Variants in ADGRG6 observed in about 807,000 individuals in gnomAD.
ADGRG6 encodes the protein G-protein coupled receptor 126.
In ADGRG6, 84 loss-of-function variants were observed where a neutral mutation model predicts 142.4. The ratio of observed to expected loss-of-function variants is 0.59; its 90% confidence interval spans 0.49 to 0.71. The LOEUF is 0.71. Among genes scored for constraint, ADGRG6 ranks in the 30% least tolerant of loss-of-function variants. The pLI is 0.00. For synonymous variants in ADGRG6, 521 were observed against 520.5 expected (o/e 1.00, Z -0.01); for missense variants, 1,367 against 1,466.6 (o/e 0.93, Z 1.11).
chr6:142,434,776 C>T (rs1411477925), intron 22 of ADGRG6, among the ~76,000 whole-genome samples: 1 of 152,090 alleles, frequency 6.6e-6, no homozygotes, highest in Non-Finnish European at 1.5e-5. Flanking sequence ...AGTATCAGGG[C>T]TTGTGCTCAG....
intron 21 of ADGRG6, 58 bp downstream of exon 21, chr6:142,417,427 A>G: frequency 3.9e-6 from 3 of 765,396 alleles, no homozygotes; most frequent in Middle Eastern, 3.0e-4. Flanking sequence ...GAAGTTTAGC[A>G]TTAATTTCCA....
At chr6:142,382,173 T>C (rs938982669) in intron 5 of ADGRG6, among the ~76,000 whole-genome samples, 154 bp downstream of exon 5, 1 of 152,156 alleles carries the variant, frequency 6.6e-6, no homozygotes, top group East Asian at 1.9e-4. Flanking sequence ...TTTAGTTGTG[T>C]GGGTGCACAG....
At chr6:142,436,617 TTTTG>T (rs1442264022) in intron 22 of ADGRG6, among the ~76,000 whole-genome samples, 1 of 152,040 alleles carries the variant, frequency 6.6e-6, no homozygotes, top group Non-Finnish European at 1.5e-5. Flanking sequence ...GGGAGGAATT[TTTTG>T]TTTGTTCTTA....
chr6:142,375,619 T>C (rs1474033244), intron 4 of ADGRG6, among the ~76,000 whole-genome samples: 2 of 152,228 alleles, frequency 1.3e-5, no homozygotes, highest in South Asian at 4.1e-4. Context: ...AGCATCTTGC[T>C]GTTTATGGTT....
In ADGRG6 at chr6:142,444,655, G is replaced by A. The variant is rs1319855570; in HGVS notation, c.*1140G>A. The A allele has an allele frequency of 6.6e-6, 1 of 152,114 alleles. No homozygotes were observed. Among genetic ancestry groups the A allele is most frequent in the African/African-American group, 2.4e-5 (1 of 41,442 alleles). 9.4% of individuals were successfully genotyped at this position (152,114 alleles called of 1,614,324 possible). Reference sequence around the variant, plus strand: ...AGTATATAAGAGCCTGAGGAGGTCTGGCAAGATAGATGGTGTATTATTTAT... The same window carrying A: ...AGTATATAAGAGCCTGAGGAGGTCTAGCAAGATAGATGGTGTATTATTTAT... On this transcript the variant is annotated 3_prime_UTR_variant, in exon 25 of 25. Transcript: ENST00000367609.
At chr6:142,310,564 G>A (rs1056252151) in intron 2 of ADGRG6, among the ~76,000 whole-genome samples, 3 of 151,464 alleles carry the variant, frequency 2.0e-5, no homozygotes, top group Non-Finnish European at 3.0e-5. Context: ...TTTAAACATC[G>A]TGGAAATAGA....
chr6:142,338,669 AG>A (rs1779466201), intron 2 of ADGRG6, among the ~76,000 whole-genome samples: 1 of 152,076 alleles, frequency 6.6e-6, no homozygotes, highest in Admixed American at 6.6e-5. Context: ...AATTGTACTG[AG>A]GTAATTGCTA....
At chr6:142,347,421 C>T (rs137890484) in intron 2 of ADGRG6, among the ~76,000 whole-genome samples, 5 of 152,148 alleles carry the variant, frequency 3.3e-5, no homozygotes, top group East Asian at 3.9e-4. Context: ...TCAGAGGAAC[C>T]GGAAGAGTAG....
chr6:142,370,805 G>A lies in ADGRG6; in HGVS notation c.1069+12G>A. On this transcript the variant is annotated intron_variant, in intron 4 of 24. Transcript: ENST00000367609. ...CAACCTAAGCTGTGGTGAGTTTGTAGCGTATTCCTTTTTTTTTTTTTTTTT... is the reference window on the plus strand; with the variant it reads ...CAACCTAAGCTGTGGTGAGTTTGTAACGTATTCCTTTTTTTTTTTTTTTTT... The A allele has an allele frequency of 6.2e-7, 1 of 1,602,586 alleles. No homozygotes were observed. The highest frequency in any genetic ancestry group is 8.5e-7 in the Non-Finnish European group (1 of 1,173,264).
chr6:142,310,255 G>A (rs952933638), intron 2 of ADGRG6, among the ~76,000 whole-genome samples: 2 of 151,700 alleles, frequency 1.3e-5, no homozygotes, highest in East Asian at 3.9e-4. Flanking sequence ...TCTGTAAACA[G>A]CAAATTATAT....
intron 4 of ADGRG6, among the ~76,000 whole-genome samples, chr6:142,380,226 G>T (rs749198765): frequency 4.6e-5 from 7 of 152,068 alleles, no homozygotes; most frequent in Admixed American, 6.5e-5. Context: ...CAGACTTAGG[G>T]TCTATGTTGA....
chr6:142,400,805 A>G (rs1775479749), intron 11 of ADGRG6: 1 of 474,966 alleles, frequency 2.1e-6, no homozygotes, highest in East Asian at 3.4e-5. Context: ...GCCACATGCT[A>G]ATCAAGCCCT....
Position 142,397,719 on chromosome 6 carries a change from G to A in ADGRG6, c.1531G>A (p.Gly511Ser). The A allele has an allele frequency of 6.2e-6, 10 of 1,605,414 alleles. No homozygotes were observed. Among genetic ancestry groups the A allele is most frequent in the Non-Finnish European group, 8.5e-6 (10 of 1,176,302 alleles). Residue 511 changes from glycine (G) to serine (S), a missense_variant, in exon 10 of 25, where the codon GGC becomes AGC. Gly to Ser is a moderately conservative substitution (Grantham distance 56). Coordinates refer to ENST00000367609, the MANE Select transcript of ADGRG6 (RefSeq NM_198569.3). ...LLKNNESLDE[G>S]LRLHTVNVRQ... is the part of the protein sequence containing the mutation. ...AAAAAATAATGAGTCCTTGGATGAA[G>A]GCTTGAGGCTACATACAGTGAATGT...
At chr6:142,394,295 G>A (rs1189990552) in intron 9 of ADGRG6, among the ~76,000 whole-genome samples, 3 of 152,028 alleles carry the variant, frequency 2.0e-5, no homozygotes, top group African/African-American at 4.8e-5. Flanking sequence ...TAAATAAAGT[G>A]TTTATATATG....
intron 20 of ADGRG6, 37 bp from the exon 21 acceptor site, chr6:142,417,236 C>A: frequency 9.3e-7 from 1 of 1,077,164 alleles, no homozygotes; most frequent in South Asian, 1.3e-5. Flanking sequence ...GTTTCAGATG[C>A]TTCAAAAGAG....
chr6:142,436,207 T>C (rs1777478256), intron 22 of ADGRG6, among the ~76,000 whole-genome samples: 1 of 152,126 alleles, frequency 6.6e-6, no homozygotes, highest in African/African-American at 2.4e-5. Flanking sequence ...AGTGGCAATG[T>C]AACCATAGAA....
chr6:142,309,868 T>C (rs1418132193), intron 2 of ADGRG6, among the ~76,000 whole-genome samples: 1 of 151,864 alleles, frequency 6.6e-6, no homozygotes, highest in African/African-American at 2.4e-5. Flanking sequence ...CTAATGAGTT[T>C]ATTTCTTTAA....
intron 22 of ADGRG6, among the ~76,000 whole-genome samples, chr6:142,430,444 C>A (rs936917263): frequency 1.3e-5 from 2 of 152,154 alleles, no homozygotes; most frequent in Non-Finnish European, 2.9e-5. Context: ...TCCAAGGAAA[C>A]TCTTTCTAGA....
At chr6:142,318,662 C>A (rs1321256647) in intron 2 of ADGRG6, among the ~76,000 whole-genome samples, 1 of 151,316 alleles carries the variant, frequency 6.6e-6, no homozygotes, top group Admixed American at 6.7e-5. Flanking sequence ...CTTCTGATGA[C>A]AACAGAAAGG....
Sources: gnomAD v4.1 joint callset for allele counts (sites outside exome capture counted in the v4.1 genomes callset) on GRCh38, gnomAD v4.1.1 for gene constraint, MANE v1.5 for transcripts, NCBI Gene and HGNC (gene_info 2026-07-23, HGNC 2026-07-21) for gene names.